The following ADAMTS19 variants were observed in gnomAD, a reference collection of about 807,000 sequenced individuals.
The protein encoded by ADAMTS19 is ADAM metallopeptidase with thrombospondin type 1 motif 19.
ADAMTS19 carries 93 observed loss-of-function variants against 153.3 expected under a neutral mutation model. The observed-to-expected ratio is 0.61, with a 90% confidence interval of 0.51 to 0.72. The LOEUF is 0.72. Ranked by LOEUF, ADAMTS19 falls within the 30% of genes least tolerant of loss-of-function variation. The probability of loss-of-function intolerance (pLI) is 0.00; values close to 1 mark genes in which losing one functional copy is unlikely to be tolerated. For missense variants in ADAMTS19, 1,482 were observed against 1,552.1 expected, an observed-to-expected ratio of 0.95 and a Z score of 0.76; for synonymous variants, 600 against 556.6, an observed-to-expected ratio of 1.08 and a Z score of -1.10.
Position 129,701,470 on chromosome 5 carries a change from C to T in ADAMTS19, c.3037C>T (p.Leu1013=), listed in dbSNP as rs957488083. The T allele has an allele frequency of 1.2e-6, 2 of 1,614,190 alleles. No homozygotes were observed. The highest frequency in any genetic ancestry group is 2.2e-5 in the South Asian group (2 of 91,086). Reference sequence around the variant, plus strand: ...CAGACAAGTGGCCTGTACCCAACAACTGAGCAATGGAACACTGATTAGAGC... The same window carrying T: ...CAGACAAGTGGCCTGTACCCAACAATTGAGCAATGGAACACTGATTAGAGC... The part of the protein sequence containing the change: ...QSRQVACTQQ[L]SNGTLIRARE... The change falls in exon 20 of 23, where the codon CTG becomes TTG. Residue 1013 remains leucine (L), a synonymous_variant. Coordinates refer to ENST00000274487, the MANE Select transcript of ADAMTS19 (RefSeq NM_133638.6).
intron 13 of ADAMTS19, among the ~76,000 whole-genome samples, chr5:129,653,018 C>T (rs1025647338): frequency 1.3e-5 from 2 of 152,086 alleles, no homozygotes; most frequent in African/African-American, 4.8e-5. Context: ...TTCCAACTCC[C>T]CAAAATTGTT....
intron 8 of ADAMTS19, among the ~76,000 whole-genome samples, chr5:129,605,414 C>T (rs1489749347): frequency 6.6e-6 from 1 of 152,176 alleles, no homozygotes; most frequent in Non-Finnish European, 1.5e-5. Flanking sequence ...GGGGACTTGG[C>T]CTTTCCTTTG....
At chr5:129,490,637 C>G (rs1203183754) in intron 2 of ADAMTS19, among the ~76,000 whole-genome samples, 1 of 151,858 alleles carries the variant, frequency 6.6e-6, no homozygotes, top group East Asian at 1.9e-4. Context: ...AAATACTGGC[C>G]AAAGGAAAGT....
intron 15 of ADAMTS19, among the ~76,000 whole-genome samples, chr5:129,662,803 C>G (rs2216597): frequency 0.036 from 5,510 of 151,898 alleles, 308 homozygotes; most frequent in African/African-American, 0.13. Context: ...GACAGTTCAC[C>G]AGCAATTCTT....
intron 4 of ADAMTS19, 95 bp from the exon 5 acceptor site, chr5:129,527,653 T>A: frequency 8.3e-6 from 3 of 359,704 alleles, no homozygotes; most frequent in Non-Finnish European, 1.0e-5. Flanking sequence ...AAAAGATGTC[T>A]CAACTAAATT....
In ADAMTS19 at chr5:129,676,115, C is replaced by T. The variant is rs142557723; in HGVS notation, c.2507-3649C>T. Among the ~76,000 whole-genome samples, 377 of 152,168 alleles carry T rather than the reference C, an allele frequency of 2.5e-3. 1 individual carries two copies. Among genetic ancestry groups the T allele is most frequent in the African/African-American group, 8.8e-3 (367 of 41,526 alleles). On this transcript the variant is annotated intron_variant, in intron 16 of 22. Transcript: ENST00000274487. ...TTATTCCTGGACCTCTTTTTATTGG[C>T]TGATTTTTCCACTGATTATGATAGG...
chr5:129,577,907 G>C (rs1176620879), intron 7 of ADAMTS19, among the ~76,000 whole-genome samples: 1 of 151,214 alleles, frequency 6.6e-6, no homozygotes, highest in Non-Finnish European at 1.5e-5. Flanking sequence ...TCATGTTTTT[G>C]CCAACTTTCT....
At chr5:129,503,714 A>G (rs1286800861) in intron 2 of ADAMTS19, among the ~76,000 whole-genome samples, 6 of 151,826 alleles carry the variant, frequency 4.0e-5, no homozygotes, top group Non-Finnish European at 5.9e-5. Context: ...TGTGATCCCA[A>G]CTACTAGGGA....
At chr5:129,630,402 G>A (rs1179575884) in intron 10 of ADAMTS19, among the ~76,000 whole-genome samples, 5 of 152,040 alleles carry the variant, frequency 3.3e-5, no homozygotes. Flanking sequence ...TGGTGTTGAC[G>A]AAAGGAGAGA....
At chr5:129,548,617 G>A (rs1202200882) in intron 6 of ADAMTS19, among the ~76,000 whole-genome samples, 1 of 151,608 alleles carries the variant, frequency 6.6e-6, no homozygotes, top group Non-Finnish European at 1.5e-5. Context: ...AGTCAGTGTG[G>A]CGATTCCTCA....
chr5:129,636,392 A>G (rs920865690), intron 10 of ADAMTS19, among the ~76,000 whole-genome samples: 2 of 152,210 alleles, frequency 1.3e-5, no homozygotes, highest in African/African-American at 4.8e-5. Flanking sequence ...AAAATTTAAA[A>G]TAGGTTCTTC....
At chr5:129,642,573 A>G (rs1183128123) in intron 11 of ADAMTS19, among the ~76,000 whole-genome samples, 2 of 152,212 alleles carry the variant, frequency 1.3e-5, no homozygotes, top group African/African-American at 4.8e-5. Context: ...TTTAATAATT[A>G]TGGTTAACAT....
At chr5:129,679,694 A>G in intron 16 of ADAMTS19, 70 bp from the exon 17 acceptor site, 1 of 1,308,310 alleles carries the variant, frequency 7.6e-7, no homozygotes, top group Non-Finnish European at 1.0e-6. Context: ...TTAACAAAAT[A>G]ATTTGTAGTA....
At chr5:129,513,230 TTCTG>T (rs1480008829) in intron 3 of ADAMTS19, among the ~76,000 whole-genome samples, 30 of 152,038 alleles carry the variant, frequency 2.0e-4, no homozygotes, top group Non-Finnish European at 4.4e-5. Context: ...TAATCTAACC[TTCTG>T]TCTTTGTTCC....
At chr5:129,543,966 A>G (rs1469353795) in intron 6 of ADAMTS19, among the ~76,000 whole-genome samples, 2 of 150,044 alleles carry the variant, frequency 1.3e-5, no homozygotes, top group South Asian at 2.1e-4. Flanking sequence ...CTTGTATTGA[A>G]AAGATATTAT....
chr5:129,676,709 G>T (rs1415821108), intron 16 of ADAMTS19, among the ~76,000 whole-genome samples: 2 of 152,168 alleles, frequency 1.3e-5, no homozygotes, highest in Non-Finnish European at 2.9e-5. Context: ...TGAAGAGTAT[G>T]ATTTCTAAAA....
chr5:129,572,233 A>G (rs1008328223), intron 7 of ADAMTS19, among the ~76,000 whole-genome samples: 2 of 151,910 alleles, frequency 1.3e-5, no homozygotes, highest in Non-Finnish European at 2.9e-5. Flanking sequence ...TGCAAGTTGC[A>G]TATCCAGATA....
intron 7 of ADAMTS19, among the ~76,000 whole-genome samples, chr5:129,572,546 AACAATCTGTGGT>A (rs1190111207): frequency 9.2e-5 from 14 of 152,022 alleles, no homozygotes; most frequent in African/African-American, 3.4e-4. Flanking sequence ...TGAATGGATA[AACAATCTGTGGT>A]ACATCCATAC....
chr5:129,511,279 T>G (rs934171460), intron 3 of ADAMTS19, among the ~76,000 whole-genome samples: 1 of 151,826 alleles, frequency 6.6e-6, no homozygotes. Context: ...TACATGAATA[T>G]TTTTTTCCAA....
Sources: gnomAD v4.1 joint callset for allele counts (sites outside exome capture counted in the v4.1 genomes callset) on GRCh38, gnomAD v4.1.1 for gene constraint, MANE v1.5 for transcripts, NCBI Gene and HGNC (gene_info 2026-07-23, HGNC 2026-07-21) for gene names.